CCL17: variants seen among roughly 807,000 people sequenced by gnomAD.
CCL17 encodes the protein C-C motif chemokine ligand 17, also known as C-C motif chemokine 17.
A neutral mutation model predicts 7.4 loss-of-function variants in CCL17; 8 were observed. The ratio of observed to expected loss-of-function variants is 1.09; its 90% CI spans 0.64 to 1.96. CCL17 has a LOEUF of 1.96. Ranked by LOEUF, CCL17 falls within the 30% of genes most tolerant of loss-of-function variation. The pLI, the probability that CCL17 is intolerant of heterozygous loss-of-function variation, is 0.00. For synonymous variants in CCL17, 40 were observed against 46.1 expected, an observed-to-expected ratio of 0.87 and a Z score of 0.54; for missense variants, 102 against 113.0, an observed-to-expected ratio of 0.90 and a Z score of 0.44.
intron 1 of CCL17, among the ~76,000 whole-genome samples, chr16:57,405,616 G>GA (rs1401929862): frequency 4.6e-5 from 7 of 152,204 alleles, no homozygotes; most frequent in African/African-American, 1.4e-4. Flanking sequence ...GAACTGCACA[G>GA]AGCTGGCCAG....
At chr16:57,403,927 G>C (rs545225442), upstream of CCL17, among the ~76,000 whole-genome samples, 1 of 151,744 alleles carries the variant, frequency 6.6e-6, no homozygotes, top group Admixed American at 6.6e-5. Flanking sequence ...AAAGTGCTGG[G>C]ATTACAGGCG....
chr16:57,413,079 G>C (rs1236820979), intron 1 of CCL17, among the ~76,000 whole-genome samples: 2 of 152,186 alleles, frequency 1.3e-5, no homozygotes, highest in Admixed American at 1.3e-4. Context: ...CTGACTCCGG[G>C]ACACAGCTCT....
chr16:57,415,068 C>A lies in CCL17; in HGVS notation c.71-13C>A. The A allele has an allele frequency of 6.3e-7, 1 of 1,582,314 alleles. No individual in the cohort carries two copies. Among genetic ancestry groups the A allele is most frequent in the Non-Finnish European group, 8.7e-7 (1 of 1,151,150 alleles). On this transcript the variant is annotated splice_polypyrimidine_tract_variant and intron_variant, in intron 2 of 3. Coordinates refer to ENST00000219244, the MANE Select transcript of CCL17 (RefSeq NM_002987.3). This position sits in a 1 kb window ranked among gnomAD's most constrained non-coding sequence, Gnocchi z 4.5. ...CACTCACAGACACCCCTGCCCCGCTCCTCTCCCTGCAGCTCGAGGGACCAA... is the reference window on the plus strand; with the variant it reads ...CACTCACAGACACCCCTGCCCCGCTACTCTCCCTGCAGCTCGAGGGACCAA...
At chr16:57,410,683 A>G (rs1902769331) in intron 1 of CCL17, among the ~76,000 whole-genome samples, 1 of 152,180 alleles carries the variant, frequency 6.6e-6, no homozygotes, top group African/African-American at 2.4e-5. Context: ...CATCCATCCC[A>G]TAGCCTGGGA....
chr16:57,415,835 T>C lies in CCL17; in HGVS notation c.259T>C (p.Tyr87His), dbSNP rs1381655914. The change falls in exon 4 of 4, where the codon TAC becomes CAC. Residue 87 changes from tyrosine to histidine, a missense_variant. Coordinates refer to ENST00000219244, the MANE Select transcript of CCL17 (RefSeq NM_002987.3). This position sits in a 1 kb window ranked among gnomAD's most constrained non-coding sequence, Gnocchi z 4.5. ...NNKRVKNAVK[Y>H]LQSLERS ...CAAGAGAGTGAAGAATGCAGTTAAA[T>C]ACCTGCAAAGCCTTGAGAGGTCTTG... 3 of 1,612,038 alleles carry C rather than the reference T, an allele frequency of 1.9e-6. No homozygotes were observed.
At chr16:57,401,160 T>C (rs1180305275), upstream of CCL17, among the ~76,000 whole-genome samples, 1 of 152,088 alleles carries the variant, frequency 6.6e-6, no homozygotes, top group Non-Finnish European at 1.5e-5. Context: ...CAAATGACAC[T>C]GTCAGGTGTG....
the CCL17 span, among the ~76,000 whole-genome samples, chr16:57,397,450 G>A: frequency 6.6e-6 from 1 of 152,216 alleles, no homozygotes; most frequent in Admixed American, 6.5e-5. Context: ...CTCTTGGAGA[G>A]GGTTGTTCCA....
intron 1 of CCL17, among the ~76,000 whole-genome samples, chr16:57,413,511 G>A (rs1902818538): frequency 1.3e-5 from 2 of 152,136 alleles, no homozygotes; most frequent in African/African-American, 4.8e-5. Context: ...TTGACTCCCC[G>A]ACACTTCCGT....
At position 57,410,644 on chromosome 16, in the gene CCL17, CA is replaced by C. The variant is rs142927133; in HGVS notation, c.-59-3229del. 1.3e-3 allele frequency among the ~76,000 whole-genome samples: 192 copies of C among 152,300 alleles called. 1 individual carries two copies. Among genetic ancestry groups the C allele is most frequent in the African/African-American group, 4.5e-3 (187 of 41,556 alleles). On this transcript the variant is annotated intron_variant, in intron 1 of 3. Transcript: ENST00000219244. ...AGATGCTTCTCACAGGCCCAGACTT[CA>C]GAATAGTTTGTCTGGAAGTTCCCTT...
At chr16:57,404,267 G>T (rs1467021734), upstream of CCL17, among the ~76,000 whole-genome samples, 1 of 152,168 alleles carries the variant, frequency 6.6e-6, no homozygotes, top group Non-Finnish European at 1.5e-5. Context: ...TCCCTCTGCT[G>T]CTGTGCTGAG....
upstream of CCL17, among the ~76,000 whole-genome samples, chr16:57,400,228 G>T (rs62037103): frequency 6.6e-6 from 1 of 151,938 alleles, no homozygotes; most frequent in Non-Finnish European, 1.5e-5. Context: ...GAGTAGTGGC[G>T]GGCGCCTGTA....
chr16:57,402,722 A>G (rs1273065384), upstream of CCL17, among the ~76,000 whole-genome samples: 1 of 152,198 alleles, frequency 6.6e-6, no homozygotes, highest in African/African-American at 2.4e-5. Flanking sequence ...CCCAGGCATC[A>G]GAGAGACATT....
At chr16:57,397,949 G>C in the CCL17 span, among the ~76,000 whole-genome samples, 3 of 152,120 alleles carry the variant, frequency 2.0e-5, no homozygotes, top group African/African-American at 7.2e-5. Flanking sequence ...ATTAGCTAAG[G>C]GGACTTCCAA....
chr16:57,399,444 T>A, the CCL17 span, among the ~76,000 whole-genome samples: 2 of 152,160 alleles, frequency 1.3e-5, no homozygotes. Flanking sequence ...TTCTTTTTTT[T>A]ACTTATTTAT....
At chr16:57,400,533 T>A (rs2146528292), upstream of CCL17, among the ~76,000 whole-genome samples, 1 of 152,070 alleles carries the variant, frequency 6.6e-6, no homozygotes, top group East Asian at 1.9e-4. Context: ...GGAACCCAGA[T>A]AAAGCAAATA....
At chr16:57,410,219 C>T (rs183678602) in intron 1 of CCL17, among the ~76,000 whole-genome samples, 3 of 152,320 alleles carry the variant, frequency 2.0e-5, no homozygotes, top group South Asian at 2.1e-4. Context: ...GGGGCAGGAA[C>T]CTTCCTTCCC....
intron 1 of CCL17, among the ~76,000 whole-genome samples, chr16:57,413,658 G>T (rs1419761830): frequency 3.3e-5 from 5 of 152,196 alleles, no homozygotes; most frequent in Non-Finnish European, 7.3e-5. Context: ...GTGTGTCACT[G>T]CCATGGGCTC....
chr16:57,401,646 C>T (rs545306800), upstream of CCL17, among the ~76,000 whole-genome samples: 15 of 152,120 alleles, frequency 9.9e-5, no homozygotes, highest in Non-Finnish European at 1.5e-4. Context: ...CTGCCAAATT[C>T]TGTTCCTCTA....
chr16:57,406,747 A>G (rs1299400644), intron 1 of CCL17, among the ~76,000 whole-genome samples: 1 of 152,204 alleles, frequency 6.6e-6, no homozygotes, highest in East Asian at 1.9e-4. Flanking sequence ...TTTCCAGGTC[A>G]TACCATGAGG....
Sources: allele counts gnomAD v4.1 joint callset (sites outside exome capture counted in the v4.1 genomes callset), GRCh38; gene constraint gnomAD v4.1.1; non-coding constraint Gnocchi (gnomAD v3.1); transcripts MANE v1.5; gene names NCBI Gene and HGNC (gene_info 2026-07-23, HGNC 2026-07-21).